Variants in KATNA1 observed in about 807,000 individuals in gnomAD.
The protein encoded by KATNA1 is katanin catalytic subunit A1, also known as katanin p60 ATPase-containing subunit A1.
Under a neutral mutation model 62.6 loss-of-function variants are expected in KATNA1, and 42 were observed. The ratio of observed to expected loss-of-function variants is 0.67; its 90% CI spans 0.52 to 0.87. KATNA1 has a LOEUF of 0.87. KATNA1 is among the 40% of genes least tolerant of loss of function. KATNA1 has a pLI of 0.00. For synonymous variants in KATNA1, 186 were observed against 201.9 expected (o/e 0.92, Z 0.67); for missense variants, 498 against 612.5 (o/e 0.81, Z 1.97).
At chr6:149,646,905 A>C (rs1377949431) in intron 1 of KATNA1, among the ~76,000 whole-genome samples, 1 of 152,224 alleles carries the variant, frequency 6.6e-6, no homozygotes, top group Non-Finnish European at 1.5e-5. Flanking sequence ...AAAAACCCAA[A>C]CTATTGTTAA....
chr6:149,599,948 A>C (rs1427102385), intron 7 of KATNA1, among the ~76,000 whole-genome samples: 1 of 152,148 alleles, frequency 6.6e-6, no homozygotes, highest in East Asian at 1.9e-4. Flanking sequence ...CATAGGTATG[A>C]AACTCAAAAC....
chr6:149,597,370 T>C (rs1320537547), intron 9 of KATNA1, 137 bp downstream of exon 9: 4 of 1,192,362 alleles, frequency 3.4e-6, no homozygotes, highest in Non-Finnish European at 4.7e-6. Context: ...TTAAGGCATA[T>C]AGCCAAACTA....
At chr6:149,623,680 G>A (rs1237291862) in intron 3 of KATNA1, among the ~76,000 whole-genome samples, 2 of 152,096 alleles carry the variant, frequency 1.3e-5, no homozygotes, top group African/African-American at 2.4e-5. Flanking sequence ...GGAGACTGGA[G>A]TGAGCCAAGA....
chr6:149,640,275 G>A (rs952837461), intron 1 of KATNA1, among the ~76,000 whole-genome samples: 1 of 151,692 alleles, frequency 6.6e-6, no homozygotes, highest in African/African-American at 2.4e-5. Context: ...TGGGCAACAC[G>A]GCAAAACCCC....
chr6:149,601,417 C>T (rs1412431426), intron 7 of KATNA1, among the ~76,000 whole-genome samples, 177 bp downstream of exon 7: 1 of 152,068 alleles, frequency 6.6e-6, no homozygotes, highest in Non-Finnish European at 1.5e-5. Flanking sequence ...GAAAAAGAGA[C>T]AAAGAGAAAC....
At chr6:149,601,891 G>T in intron 6 of KATNA1, 139 bp from the exon 7 acceptor site, 1 of 529,896 alleles carries the variant, frequency 1.9e-6, no homozygotes, top group Non-Finnish European at 3.0e-6. Context: ...ATAAACAGGA[G>T]GATACTTTGT....
intron 7 of KATNA1, among the ~76,000 whole-genome samples, chr6:149,600,747 G>T (rs559061712): frequency 7.0e-6 from 1 of 142,714 alleles, no homozygotes; most frequent in Admixed American, 7.6e-5. Context: ...ATCAGCCTGG[G>T]CAACACAGCA....
chr6:149,612,046 T>G (rs1778982522), intron 4 of KATNA1, among the ~76,000 whole-genome samples: 1 of 152,052 alleles, frequency 6.6e-6, no homozygotes, highest in African/African-American at 2.4e-5. Context: ...GCTACATACA[T>G]AAATTTGACA....
At chr6:149,645,060 C>G (rs1190376678) in intron 1 of KATNA1, among the ~76,000 whole-genome samples, 2 of 152,202 alleles carry the variant, frequency 1.3e-5, no homozygotes, top group East Asian at 3.8e-4. Flanking sequence ...AACAATATAT[C>G]TTTATCATTG....
intron 3 of KATNA1, 135 bp downstream of exon 3, chr6:149,632,624 G>A (rs1779893257): frequency 4.5e-6 from 3 of 660,588 alleles, no homozygotes; most frequent in Non-Finnish European, 7.5e-6. Flanking sequence ...AGACCAGTGA[G>A]TTATAAAAGA....
At chr6:149,638,344 AG>A (rs773964766) in intron 2 of KATNA1, 41 bp downstream of exon 2, 1 of 1,582,278 alleles carries the variant, frequency 6.3e-7, no homozygotes, top group Non-Finnish European at 8.6e-7. Context: ...TTCTCTTCCG[AG>A]TACTTAAGCC....
At position 149,617,352 on chromosome 6, in the gene KATNA1, A is replaced by C. The variant is rs149989574; in HGVS notation, c.501+5751T>G. Among the ~76,000 whole-genome samples, 12 of 152,176 alleles carry C rather than the reference A, an allele frequency of 7.9e-5. No individual in the cohort carries two copies. The East Asian group carries it at 2.1e-3, about 27-fold the overall frequency. On this transcript the variant is annotated intron_variant, in intron 4 of 10. Transcript: ENST00000367411. The stretch of plus-strand genomic sequence containing the variant: ...TATGTATATTTTGCCACAACTTTTA[A>C]AAAATAAATAATTTTTAAAACTCAG...
chr6:149,631,123 G>A (rs1212284943), intron 3 of KATNA1, among the ~76,000 whole-genome samples: 1 of 152,174 alleles, frequency 6.6e-6, no homozygotes, highest in African/African-American at 2.4e-5. Context: ...AACCAGGCCG[G>A]GTGTGGTGGC....
chr6:149,631,924 T>G (rs1779856229), intron 3 of KATNA1, among the ~76,000 whole-genome samples: 4 of 152,190 alleles, frequency 2.6e-5, no homozygotes, highest in Admixed American at 2.6e-4. Flanking sequence ...GAGAAAACCC[T>G]AAAATTCAGA....
chr6:149,604,665 G>A lies in KATNA1; in HGVS notation c.619C>T (p.Arg207Ter), dbSNP rs200980886. The A allele has an allele frequency of 2.6e-4, 422 of 1,613,254 alleles. No individual in the cohort carries two copies. The highest frequency in any genetic ancestry group is 3.1e-4 in the Non-Finnish European group (366 of 1,179,492). Residue 207 changes from arginine (R) to a stop codon, truncating the protein, a stop_gained, in exon 5 of 11, where the codon CGA becomes TGA. Transcript: ENST00000367411. LOFTEE classifies it high-confidence loss of function. ...RDIISQNPNV[R>*]WDDIADLVEA... ...TTTGGTTGTGATATAACTTACCATC[G>A]AACATTGGGATTCTGGGAAATTATA... is the stretch of plus-strand genomic sequence containing the variant.
At chr6:149,611,251 CAGG>C in intron 4 of KATNA1, among the ~76,000 whole-genome samples, 2 of 151,994 alleles carry the variant, frequency 1.3e-5, no homozygotes, top group South Asian at 4.2e-4. Flanking sequence ...TGCCTGAGAT[CAGG>C]AGTTCGAGAC....
intron 4 of KATNA1, among the ~76,000 whole-genome samples, chr6:149,615,062 G>A (rs952066482): frequency 1.3e-5 from 2 of 149,524 alleles, no homozygotes; most frequent in African/African-American, 5.0e-5. Flanking sequence ...GAACCTGGGA[G>A]GCTGAGGTCG....
chr6:149,597,271 ATGT>A, intron 9 of KATNA1, 82 bp from the exon 10 acceptor site: 3 of 1,442,604 alleles, frequency 2.1e-6, no homozygotes, highest in Non-Finnish European at 2.8e-6. Context: ...TTTGTGTGAG[ATGT>A]TGTCTTCCAG....
chr6:149,611,805 C>T lies in KATNA1; in HGVS notation c.502-7023G>A, dbSNP rs537516955. Among the ~76,000 whole-genome samples, 11 of 152,068 alleles carry T rather than the reference C, an allele frequency of 7.2e-5. No homozygotes were observed. In the East Asian group the frequency reaches 1.6e-3, roughly 22 times the overall value. On this transcript the variant is annotated intron_variant, in intron 4 of 10. Coordinates refer to ENST00000367411, the MANE Select transcript of KATNA1 (RefSeq NM_007044.4). ...ACGAGGTCAGGAGATCGAGACCATC[C>T]TGGCTAACATGGTGAAACCCCGTCA...
Sources: gnomAD v4.1 joint callset for allele counts (sites outside exome capture counted in the v4.1 genomes callset) on GRCh38, gnomAD v4.1.1 for gene constraint, MANE v1.5 for transcripts, NCBI Gene and HGNC (gene_info 2026-07-23, HGNC 2026-07-21) for gene names.